The following KANK1 variants were observed in gnomAD, a reference collection of about 807,000 sequenced individuals.
KANK1 encodes the protein KN motif and ankyrin repeat domain-containing protein 1.
A neutral mutation model predicts 106.2 loss-of-function variants in KANK1; 109 were observed. The ratio of observed to expected loss-of-function variants is 1.03; its 90% CI spans 0.88 to 1.20. The LOEUF is 1.20. Ranked by LOEUF, KANK1 falls within the 50% of genes most tolerant of loss-of-function variation. The probability of loss-of-function intolerance (pLI) is 0.00; values close to 1 mark genes in which losing one functional copy is unlikely to be tolerated. For missense variants in KANK1, 2,399 were observed against 1,710.7 expected (o/e 1.40, Z -7.10); for synonymous variants, 873 against 652.2 (o/e 1.34, Z -5.16).
chr9:514,115 CCTCCCTCTCTCT>C (rs2059155299), intron 1 of KANK1, among the ~76,000 whole-genome samples: 2 of 125,652 alleles, frequency 1.6e-5, no homozygotes, highest in Non-Finnish European at 3.2e-5. Context: ...TCCCTCTCTT[CCTCCCTCTCTCT>C]CTCCCTCCCT....
At chr9:481,725 G>A (rs2132165533) in intron 3 of KANK1, among the ~76,000 whole-genome samples, 1 of 152,088 alleles carries the variant, frequency 6.6e-6, no homozygotes, top group South Asian at 2.1e-4. Context: ...GTCTGACATA[G>A]TGGCTCACAC....
chr9:677,631 A>C (rs893781717), intron 2 of KANK1: 1 of 152,232 alleles, frequency 6.6e-6, no homozygotes, highest in Non-Finnish European at 1.5e-5. Flanking sequence ...TAAGAGACAC[A>C]TCACCATAGG....
rs569063407 is a variant in KANK1, at chr9:722,876, C to T, written c.2699-7175C>T. 1.1e-4 allele frequency among the ~76,000 whole-genome samples: 16 copies of T among 152,272 alleles called. No homozygotes were observed. The South Asian group carries it at 2.7e-3, about 26-fold the overall frequency. ...CAAATAAGAATGTAGCAGGGAGGAACTCAAGATGCTGACCATCTCATTGAG... is the reference window on the plus strand; with the variant it reads ...CAAATAAGAATGTAGCAGGGAGGAATTCAAGATGCTGACCATCTCATTGAG... On this transcript the variant is annotated intron_variant, in intron 3 of 11. Coordinates refer to ENST00000382297, the MANE Select transcript of KANK1 (RefSeq NM_015158.5).
intron 1 of KANK1, among the ~76,000 whole-genome samples, chr9:626,342 C>G (rs1834337827): frequency 6.6e-6 from 1 of 151,988 alleles, no homozygotes; most frequent in South Asian, 2.1e-4. Context: ...GTAGTCCCAG[C>G]TACTCGGAAG....
intron 3 of KANK1, among the ~76,000 whole-genome samples, chr9:480,057 G>T (rs1024059851): frequency 6.6e-6 from 1 of 152,180 alleles, no homozygotes; most frequent in Admixed American, 6.5e-5. Context: ...CTTTAACGGA[G>T]TTCCCTTAAA....
chr9:712,196 G>C lies in KANK1; in HGVS notation c.1430G>C (p.Arg477Thr), dbSNP rs1413623918. Residue 477 changes from arginine (R) to threonine (T), a missense_variant, in exon 3 of 12, where the codon AGA becomes ACA. Physicochemically the swap from Arg to Thr is moderately conservative, Grantham distance 71. Coordinates refer to ENST00000382297, the MANE Select transcript of KANK1 (RefSeq NM_015158.5). Reference sequence around the variant, plus strand: ...ATCTATCGCCTAGAAGTACAGCTTAGAGAAACCACCCATGACCGGGAGATG... The same window carrying C: ...ATCTATCGCCTAGAAGTACAGCTTACAGAAACCACCCATGACCGGGAGATG... ...EKIYRLEVQL[R>T]ETTHDREMTK... The C allele has an allele frequency of 1.9e-6, 3 of 1,614,204 alleles. No individual in the cohort carries two copies. Among genetic ancestry groups the C allele is most frequent in the Non-Finnish European group, 2.5e-6 (3 of 1,180,030 alleles).
chr9:736,111 C>T (rs771646090), intron 7 of KANK1, among the ~76,000 whole-genome samples: 4 of 152,130 alleles, frequency 2.6e-5, no homozygotes, highest in African/African-American at 4.8e-5. Context: ...GCGTCCACCA[C>T]AACGCCCGGC....
intron 1 of KANK1, among the ~76,000 whole-genome samples, chr9:598,342 G>A (rs1297393890): frequency 4.6e-5 from 7 of 151,184 alleles, no homozygotes; most frequent in Non-Finnish European, 8.8e-5. Flanking sequence ...TTGGCTATTT[G>A]GATCCCTTTC....
At chr9:541,589 G>T (rs2060601711) in intron 1 of KANK1, among the ~76,000 whole-genome samples, 1 of 151,888 alleles carries the variant, frequency 6.6e-6, no homozygotes, top group South Asian at 2.1e-4. Flanking sequence ...GACCTCAAAA[G>T]TATCACAGAA....
chr9:470,509 T>C (rs1441666644), intron 1 of KANK1: 2 of 152,336 alleles, frequency 1.3e-5, no homozygotes, highest in African/African-American at 4.8e-5. Context: ...ATCTCCTTCG[T>C]GAGGGAACCC....
intron 1 of KANK1, among the ~76,000 whole-genome samples, chr9:629,288 G>T (rs903134320): frequency 3.3e-5 from 5 of 152,068 alleles, no homozygotes; most frequent in Non-Finnish European, 5.9e-5. Context: ...CCCTCAGGCT[G>T]AGGCTTTGCT....
At chr9:716,811 C>CA (rs1302062631) in intron 3 of KANK1, among the ~76,000 whole-genome samples, 1 of 152,084 alleles carries the variant, frequency 6.6e-6, no homozygotes. Flanking sequence ...CTTGTCTCTA[C>CA]AAAAAAATTT....
In KANK1 at chr9:655,370, T is replaced by TA. The variant is rs59311073; in HGVS notation, c.-83-21499dup. ...TGGGAAACAAGAGCAAAATTCTGTCTAAAAAAAAAAAAAAAAAAAAATCCA... is the reference window on the plus strand; with the variant it reads ...TGGGAAACAAGAGCAAAATTCTGTCTAAAAAAAAAAAAAAAAAAAAAATCCA... On this transcript the variant is annotated intron_variant, in intron 1 of 11. Coordinates refer to ENST00000382297, the MANE Select transcript of KANK1 (RefSeq NM_015158.5). Among the ~76,000 whole-genome samples the TA allele has an allele frequency of 9.8e-4, 135 of 137,854 alleles. 1 individual carries two copies. The highest frequency in any genetic ancestry group is 4.9e-3 in the South Asian group (21 of 4,278). 90.4% of individuals were successfully genotyped at this position (137,854 alleles called of 152,430 possible).
intron 2 of KANK1, among the ~76,000 whole-genome samples, chr9:687,905 T>C (rs1253437337): frequency 1.3e-5 from 2 of 152,200 alleles, no homozygotes; most frequent in Non-Finnish European, 2.9e-5. Flanking sequence ...AATCATGTCA[T>C]CTTCTTCGTA....
At position 713,179 on chromosome 9, in the gene KANK1, G is replaced by C. The variant is rs1826680651; in HGVS notation, c.2413G>C (p.Gly805Arg). The C allele has an allele frequency of 4.4e-6, 7 of 1,586,370 alleles. No individual in the cohort carries two copies. Among genetic ancestry groups the C allele is most frequent in the Non-Finnish European group, 6.0e-6 (7 of 1,166,242 alleles). ...RSVGVGDDPVGESLENPQPQA... is the reference protein window; with the variant it reads ...RSVGVGDDPVRESLENPQPQA... Reference sequence around the variant, plus strand: ...CGTGGGGGTTGGGGATGACCCTGTAGGGGAATCTCTGGAGAACCCCCAGCC... The same window carrying C: ...CGTGGGGGTTGGGGATGACCCTGTACGGGAATCTCTGGAGAACCCCCAGCC... Residue 805 changes from glycine to arginine, a missense_variant, in exon 3 of 12, where the codon GGG (glycine) becomes CGG (arginine). Gly to Arg is a moderately radical substitution (Grantham distance 125, BLOSUM62 -2). Coordinates refer to ENST00000382297, the MANE Select transcript of KANK1 (RefSeq NM_015158.5).
At chr9:509,827 C>T (rs910021107) in intron 1 of KANK1, among the ~76,000 whole-genome samples, 22 of 152,182 alleles carry the variant, frequency 1.4e-4, no homozygotes, top group Admixed American at 3.3e-4. Flanking sequence ...GACAGGATAT[C>T]ATTGTGTCAC....
intron 1 of KANK1, among the ~76,000 whole-genome samples, chr9:603,415 G>T (rs919395589): frequency 2.6e-5 from 4 of 151,784 alleles, no homozygotes; most frequent in African/African-American, 9.7e-5. Context: ...TCAGCCAGAA[G>T]AATTCACTAA....
At position 711,562 on chromosome 9, in the gene KANK1, C is replaced by T; in HGVS notation, c.796C>T (p.Gln266Ter). 1 of 1,613,916 alleles carries T rather than the reference C, an allele frequency of 6.2e-7. No individual in the cohort carries two copies. Among genetic ancestry groups the T allele is most frequent in the Non-Finnish European group, 8.5e-7 (1 of 1,179,890 alleles). The change falls in exon 3 of 12, where the codon CAG becomes TAG. Residue 266 changes from glutamine (Q) to a stop codon, truncating the protein, a stop_gained. Transcript: ENST00000382297. LOFTEE classifies it high-confidence loss of function. ...CATGCACCTGCAGCACATCCGCGAG[C>T]AGATGGCCATTGCTCTGAAACGCCT... ...SPMHLQHIRE[Q>*]MAIALKRLKE...
Position 712,511 on chromosome 9 carries a change from C to G in KANK1, c.1745C>G (p.Ala582Gly), listed in dbSNP as rs1826434139. Residue 582 changes from alanine to glycine, a missense_variant, in exon 3 of 12, where the codon GCT becomes GGT. Coordinates refer to ENST00000382297, the MANE Select transcript of KANK1 (RefSeq NM_015158.5). Reference sequence around the variant, plus strand: ...AGGGTGGAAATGCATGACCGATGTGCTGGGAGGTCTGTGGAAATGTGTGAC... The same window carrying G: ...AGGGTGGAAATGCATGACCGATGTGGTGGGAGGTCTGTGGAAATGTGTGAC... The part of the protein sequence containing the change: ...KERVEMHDRC[A>G]GRSVEMCDKS... 6.2e-7 allele frequency: 1 copy of G among 1,614,140 alleles called. No homozygotes were observed. The highest frequency in any genetic ancestry group is 8.5e-7 in the Non-Finnish European group (1 of 1,180,030).
Sources: allele counts gnomAD v4.1 joint callset (sites outside exome capture counted in the v4.1 genomes callset), GRCh38; gene constraint gnomAD v4.1.1; transcripts MANE v1.5; gene names NCBI Gene and HGNC (gene_info 2026-07-23, HGNC 2026-07-21).